The following FAM13C variants were observed in gnomAD, a reference collection of about 807,000 sequenced individuals.
The protein encoded by FAM13C is family with sequence similarity 13 member C.
In FAM13C, 37 loss-of-function variants were observed where a neutral mutation model predicts 73.2. That is an observed-to-expected ratio of 0.51 (90% confidence interval 0.39 to 0.67). The LOEUF is 0.67. Among genes scored for constraint, FAM13C ranks in the 30% least tolerant of loss-of-function variants. The pLI is 0.00. For missense variants in FAM13C, 589 were observed against 715.6 expected, an observed-to-expected ratio of 0.82 and a Z score of 2.02; for synonymous variants, 246 against 260.9, an observed-to-expected ratio of 0.94 and a Z score of 0.55.
intron 3 of FAM13C, among the ~76,000 whole-genome samples, chr10:59,342,798 T>C (rs1201370659): frequency 6.6e-6 from 1 of 152,228 alleles, no homozygotes; most frequent in Admixed American, 6.5e-5. Context: ...TTACCCAAAA[T>C]GTCAGTTCAT....
intron 4 of FAM13C, among the ~76,000 whole-genome samples, chr10:59,311,526 C>T (rs1848918515): frequency 6.6e-6 from 1 of 152,210 alleles, no homozygotes; most frequent in African/African-American, 2.4e-5. Context: ...CAGACACCTG[C>T]TCCATGTGCC....
intron 3 of FAM13C, among the ~76,000 whole-genome samples, chr10:59,336,804 A>C (rs1852782084): frequency 1.3e-5 from 2 of 152,228 alleles, no homozygotes; most frequent in African/African-American, 2.4e-5. Flanking sequence ...GAACTTAGAA[A>C]TAGAAAAACG....
intron 4 of FAM13C, among the ~76,000 whole-genome samples, chr10:59,305,529 A>G (rs1564555254): frequency 6.6e-6 from 1 of 152,240 alleles, no homozygotes; most frequent in African/African-American, 2.4e-5. Context: ...GAAAGCATAT[A>G]TGTCCTCTAA....
At chr10:59,341,113 G>A (rs1416569304) in intron 3 of FAM13C, among the ~76,000 whole-genome samples, 1 of 152,124 alleles carries the variant, frequency 6.6e-6, no homozygotes, top group Non-Finnish European at 1.5e-5. Flanking sequence ...CTGGTAGGTC[G>A]CACCTTTAGT....
intron 2 of FAM13C, 150 bp from the exon 3 acceptor site, chr10:59,352,624 G>T: frequency 1.4e-6 from 1 of 691,648 alleles, no homozygotes; most frequent in Non-Finnish European, 2.4e-6. Context: ...AATTTTGCAT[G>T]AACAAAAACT....
intron 4 of FAM13C, among the ~76,000 whole-genome samples, chr10:59,312,521 A>G (rs1849053115): frequency 6.6e-6 from 1 of 152,132 alleles, no homozygotes; most frequent in African/African-American, 2.4e-5. Context: ...ACCCAGAGTG[A>G]TCGTTTAATG....
intron 5 of FAM13C, among the ~76,000 whole-genome samples, chr10:59,285,054 C>T (rs1845394725): frequency 6.6e-6 from 1 of 152,192 alleles, no homozygotes; most frequent in Admixed American, 6.5e-5. Context: ...TTACAAGCTG[C>T]CCACCAAGGG....
chr10:59,268,271 A>G (rs921778444), intron 8 of FAM13C, among the ~76,000 whole-genome samples: 4 of 152,134 alleles, frequency 2.6e-5, no homozygotes, highest in Non-Finnish European at 5.9e-5. Context: ...AAAGCTTTCC[A>G]AATTTTGTTC....
At chr10:59,300,897 C>T (rs553492202) in intron 5 of FAM13C, 3 of 152,230 alleles carry the variant, frequency 2.0e-5, no homozygotes, top group Admixed American at 6.5e-5. Context: ...TGTAAGAATT[C>T]ATTCAGCTGT....
chr10:59,257,561 A>G (rs1842061944), intron 10 of FAM13C, among the ~76,000 whole-genome samples: 1 of 152,202 alleles, frequency 6.6e-6, no homozygotes, highest in South Asian at 2.1e-4. Flanking sequence ...CTGGACAGTG[A>G]GCAATGGAAA....
chr10:59,311,432 C>T (rs1009258585), intron 4 of FAM13C, among the ~76,000 whole-genome samples: 18 of 152,322 alleles, frequency 1.2e-4, no homozygotes, highest in Admixed American at 6.5e-5. Context: ...GTTTGCTGAG[C>T]AGGCTACAAG....
intron 6 of FAM13C, among the ~76,000 whole-genome samples, chr10:59,277,672 A>G (rs1370641081): frequency 1.8e-4 from 28 of 152,238 alleles, no homozygotes; most frequent in Non-Finnish European, 1.5e-5. Flanking sequence ...CAGTCTGACA[A>G]GACAAAGTCA....
chr10:59,261,283 A>G (rs777855341), intron 10 of FAM13C, among the ~76,000 whole-genome samples: 1 of 152,114 alleles, frequency 6.6e-6, no homozygotes, highest in Admixed American at 6.6e-5. Flanking sequence ...TGTTGTTTTA[A>G]GGCTAAAGGT....
intron 5 of FAM13C, among the ~76,000 whole-genome samples, chr10:59,296,333 G>A (rs2133817859): frequency 6.6e-6 from 1 of 152,326 alleles, no homozygotes; most frequent in Non-Finnish European, 1.5e-5. Context: ...GAGGGACACT[G>A]CATGTGTGCA....
rs986413986 is a variant in FAM13C, at chr10:59,263,766, C to T, written c.1024+319G>A. ...GTGTGGAGTAAATGATTTCTCAGGC[C>T]TCTTCTGTTTCTAACATCCAACAAT... On this transcript the variant is annotated intron_variant, in intron 9 of 13. Coordinates refer to ENST00000618804, the MANE Select transcript of FAM13C (RefSeq NM_198215.4). The T allele has an allele frequency of 1.5e-5, 5 of 323,384 alleles. No individual in the cohort carries two copies. The South Asian group carries it at 1.7e-4, about 11-fold the overall frequency. 20.0% of individuals were successfully genotyped at this position (323,384 alleles called of 1,614,324 possible).
At chr10:59,357,372 T>G (rs1855854538) in intron 1 of FAM13C, among the ~76,000 whole-genome samples, 1 of 152,224 alleles carries the variant, frequency 6.6e-6, no homozygotes, top group Non-Finnish European at 1.5e-5. Flanking sequence ...TTTTGATTAG[T>G]TATTAATTCC....
At chr10:59,286,513 T>A (rs1458435731) in intron 5 of FAM13C, among the ~76,000 whole-genome samples, 52 of 25,246 alleles carry the variant, frequency 2.1e-3, no homozygotes, top group African/African-American at 7.3e-3. Flanking sequence ...AGACTCCATC[T>A]CAAATATATA....
chr10:59,317,046 C>T (rs528121662), intron 4 of FAM13C, among the ~76,000 whole-genome samples: 48 of 151,476 alleles, frequency 3.2e-4, no homozygotes, highest in Admixed American at 1.2e-3. Flanking sequence ...ATGTTTTAAC[C>T]TAGCATTAAT....
At chr10:59,325,199 A>T (rs796217096) in intron 3 of FAM13C, among the ~76,000 whole-genome samples, 5 of 152,224 alleles carry the variant, frequency 3.3e-5, no homozygotes, top group African/African-American at 1.2e-4. Context: ...CACAATAGAG[A>T]CCCAGCTCCT....
Sources: allele counts gnomAD v4.1 joint callset (sites outside exome capture counted in the v4.1 genomes callset), GRCh38; gene constraint gnomAD v4.1.1; transcripts MANE v1.5; gene names NCBI Gene and HGNC (gene_info 2026-07-23, HGNC 2026-07-21).